SH3TC2: variants seen among roughly 807,000 people sequenced by gnomAD.
SH3TC2 encodes the protein SH3 domain and tetratricopeptide repeats 2, also known as SH3 domain and tetratricopeptide repeat-containing protein 2.
A neutral mutation model predicts 124.5 loss-of-function variants in SH3TC2; 87 were observed. That is an observed-to-expected ratio of 0.70 (90% confidence interval 0.59 to 0.84). The LOEUF (loss-of-function observed/expected upper bound fraction) is 0.84. Among genes scored for constraint, SH3TC2 ranks in the 40% least tolerant of loss-of-function variants. The pLI is 0.00. For missense variants in SH3TC2, 1,536 were observed against 1,566.4 expected (o/e 0.98, Z 0.33); for synonymous variants, 634 against 628.5 (o/e 1.01, Z -0.13).
At position 149,028,409 on chromosome 5, in the gene SH3TC2, C is replaced by G; in HGVS notation, c.1323G>C (p.Leu441=). Residue 441 remains leucine, a synonymous_variant, in exon 11 of 17, where the codon CTG becomes CTC. Coordinates refer to ENST00000515425, the MANE Select transcript of SH3TC2 (RefSeq NM_024577.4). ...LLSATSDSYR[L]PEPDDLDDPE... is the part of the protein sequence containing the mutation. ...GGTCATCAAGGTCATCAGGCTCCGG[C>G]AGGCGATAGCTGTCTGAGGTGGCCG... 6.2e-7 allele frequency: 1 copy of G among 1,614,008 alleles called. No individual in the cohort carries two copies.
intron 2 of SH3TC2, among the ~76,000 whole-genome samples, chr5:149,048,910 A>C (rs140663275): frequency 6.6e-4 from 101 of 152,344 alleles, no homozygotes; most frequent in Non-Finnish European, 1.1e-3. Flanking sequence ...AGTAAGTAGC[A>C]ATCCTGTTAA....
Position 148,992,859 on chromosome 5 carries a change from C to A in SH3TC2, c.*11852G>T, listed in dbSNP as rs13359285. On this transcript the variant is annotated 3_prime_UTR_variant, in exon 17 of 17. Coordinates refer to ENST00000515425, the MANE Select transcript of SH3TC2 (RefSeq NM_024577.4). ...GGATTAAACTGCTGGGTATAACATG[C>A]ACAGCTCATAGGGTTTGGGTATGGC... is the stretch of plus-strand genomic sequence containing the variant. Among the ~76,000 whole-genome samples the A allele has an allele frequency of 0.077, 11,700 of 152,130 alleles. 888 individuals are homozygous for A. Among genetic ancestry groups the A allele is most frequent in the Admixed American group, 0.18 (2,779 of 15,270 alleles).
At chr5:149,007,225 A>T (rs1323055628) in intron 15 of SH3TC2, 148 bp from the exon 16 acceptor site, 1 of 735,084 alleles carries the variant, frequency 1.4e-6, no homozygotes, top group African/African-American at 1.7e-5. Flanking sequence ...AGGTGCCTGT[A>T]CTCATAAAGC....
Position 148,984,045 on chromosome 5 carries a change from T to C in SH3TC2, c.*20666A>G, listed in dbSNP as rs1753294818. On this transcript the variant is annotated 3_prime_UTR_variant, in exon 17 of 17. Coordinates refer to ENST00000515425, the MANE Select transcript of SH3TC2 (RefSeq NM_024577.4). Reference sequence around the variant, plus strand: ...TTTCTCAAAGTGAAAAGAACCTGCATACAACTTCTTGTACATGAATATTGA... The same window carrying C: ...TTTCTCAAAGTGAAAAGAACCTGCACACAACTTCTTGTACATGAATATTGA... Among the ~76,000 whole-genome samples, 1 of 152,214 alleles carries C rather than the reference T, an allele frequency of 6.6e-6. No individual in the cohort carries two copies. Among genetic ancestry groups the C allele is most frequent in the African/African-American group, 2.4e-5 (1 of 41,464 alleles).
At chr5:149,048,096 T>TAATGAGGACACCAGTTGA in intron 2 of SH3TC2, 107 bp from the exon 3 acceptor site, 1 of 1,473,628 alleles carries the variant, frequency 6.8e-7, no homozygotes, top group Non-Finnish European at 9.4e-7. Context: ...AACCCTCAAC[T>TAATGAGGACACCAGTTGA]GGTGTCCTCA....
Position 148,997,210 on chromosome 5 carries a change from C to T in SH3TC2, c.*7501G>A, listed in dbSNP as rs910621994. Among the ~76,000 whole-genome samples, 5 of 152,188 alleles carry T rather than the reference C, an allele frequency of 3.3e-5. No individual in the cohort carries two copies. Among genetic ancestry groups the T allele is most frequent in the East Asian group, 1.9e-4 (1 of 5,194 alleles). On this transcript the variant is annotated 3_prime_UTR_variant, in exon 17 of 17. Coordinates refer to ENST00000515425, the MANE Select transcript of SH3TC2 (RefSeq NM_024577.4). ...CGGGTACTATGATGGGTGAGACCCA[C>T]GAAACTCCACCTGGCTGCTTCCCTT... is the stretch of plus-strand genomic sequence containing the variant.
At position 148,985,492 on chromosome 5, in the gene SH3TC2, T is replaced by A. The variant is rs1368022673; in HGVS notation, c.*19219A>T. On this transcript the variant is annotated 3_prime_UTR_variant, in exon 17 of 17. Coordinates refer to ENST00000515425, the MANE Select transcript of SH3TC2 (RefSeq NM_024577.4). ...CATTTTAAGTCTGACTTCCTCTAATTAGCATAATGCATTTGATGTAACTCC... is the reference window on the plus strand; with the variant it reads ...CATTTTAAGTCTGACTTCCTCTAATAAGCATAATGCATTTGATGTAACTCC... Among the ~76,000 whole-genome samples, 2 of 152,200 alleles carry A rather than the reference T, an allele frequency of 1.3e-5. No individual in the cohort carries two copies. The highest frequency in any genetic ancestry group is 1.3e-4 in the Admixed American group (2 of 15,282).
At chr5:149,012,257 A>G (rs1429292864) in intron 13 of SH3TC2, among the ~76,000 whole-genome samples, 1 of 152,192 alleles carries the variant, frequency 6.6e-6, no homozygotes, top group African/African-American at 2.4e-5. Context: ...CCCTAAAGTC[A>G]AGGTGTATGT....
In SH3TC2 at chr5:148,992,522, G is replaced by A. The variant is rs192729911; in HGVS notation, c.*12189C>T. Among the ~76,000 whole-genome samples, 29 of 151,154 alleles carry A rather than the reference G, an allele frequency of 1.9e-4. No homozygotes were observed. The East Asian group carries it at 2.7e-3, about 14-fold the overall frequency. On this transcript the variant is annotated 3_prime_UTR_variant, in exon 17 of 17. Transcript: ENST00000515425. ...GGTTTTTAACTCATCATCCTTGGGC[G>A]TGCATTAAAGGGTCCATGAGGCCTT...
chr5:149,061,491 T>C (rs986540825), intron 1 of SH3TC2, among the ~76,000 whole-genome samples: 1 of 152,226 alleles, frequency 6.6e-6, no homozygotes, highest in South Asian at 2.1e-4. Context: ...CTCAACTAAC[T>C]GTGCACCAGA....
Position 149,047,977 on chromosome 5 carries a change from G to A in SH3TC2, c.164C>T (p.Ser55Phe), listed in dbSNP as rs201291203. 24 of 1,614,114 alleles carry A rather than the reference G, an allele frequency of 1.5e-5. No homozygotes were observed. In the East Asian group the frequency reaches 4.9e-4, roughly 33 times the overall value. ...CCTGGAGCGGCTCTTTACACAGAAGGAGAGTGTCAGGTCTTAAAGAGAACA... is the reference window on the plus strand; with the variant it reads ...CCTGGAGCGGCTCTTTACACAGAAGAAGAGTGTCAGGTCTTAAAGAGAACA... The part of the protein sequence containing the change: ...PQNINPDLTL[S>F]FCVKSRSRRC... The change falls in exon 3 of 17, where the codon TCC becomes TTC. Residue 55 changes from serine (S) to phenylalanine (F), a missense_variant. By Grantham distance (155) the Ser-to-Phe change is radical. Transcript: ENST00000515425.
At chr5:149,040,206 T>G (rs1754345602) in intron 7 of SH3TC2, among the ~76,000 whole-genome samples, 1 of 152,188 alleles carries the variant, frequency 6.6e-6, no homozygotes, top group Admixed American at 6.5e-5. Flanking sequence ...TACAAAACTC[T>G]AAGGGAAATT....
chr5:149,030,806 T>A (rs1479543722), intron 9 of SH3TC2, among the ~76,000 whole-genome samples: 1 of 152,236 alleles, frequency 6.6e-6, no homozygotes, highest in Non-Finnish European at 1.5e-5. Flanking sequence ...AATGTCACCA[T>A]CAATGAAGAG....
At chr5:149,045,960 A>T in intron 3 of SH3TC2, 1 of 428,342 alleles carries the variant, frequency 2.3e-6, no homozygotes. Context: ...TTTTTATAAT[A>T]CCTAAAAAAA....
chr5:149,049,249 C>T (rs1754516615), intron 2 of SH3TC2, among the ~76,000 whole-genome samples: 1 of 152,206 alleles, frequency 6.6e-6, no homozygotes, highest in African/African-American at 2.4e-5. Context: ...CTTCAGCACC[C>T]CGCATCCATC....
intron 8 of SH3TC2, chr5:149,035,377 C>G (rs1754265056): frequency 6.6e-6 from 1 of 152,292 alleles, no homozygotes; most frequent in Admixed American, 6.5e-5. Context: ...TACACAAGCA[C>G]AAAAAGAAAA....
At chr5:149,047,834 A>G in intron 3 of SH3TC2, 28 bp downstream of exon 3, 3 of 1,613,466 alleles carry the variant, frequency 1.9e-6, no homozygotes, top group Non-Finnish European at 2.5e-6. Flanking sequence ...GTCAGTACTC[A>G]GCATTCACCT....
Position 149,028,347 on chromosome 5 carries a change from T to A in SH3TC2, c.1385A>T (p.Glu462Val). 6.2e-7 allele frequency: 1 copy of A among 1,614,172 alleles called. No individual in the cohort carries two copies. The highest frequency in any genetic ancestry group is 8.5e-7 in the Non-Finnish European group (1 of 1,180,026). Residue 462 changes from glutamate (E) to valine (V), a missense_variant, in exon 11 of 17, where the codon GAG (glutamate) becomes GTG (valine). Around this residue, in one of 3 missense-constraint regions of SH3TC2, gnomAD observed 1,102 missense variants for 1,098.6 expected, o/e 1.00. Coordinates refer to ENST00000515425, the MANE Select transcript of SH3TC2 (RefSeq NM_024577.4). ...LLMDLSTGQE[E>V]EAENFAPILA... Reference sequence around the variant, plus strand: ...TATGGGGGCGAAGTTCTCAGCCTCCTCCTCCTGACCAGTGCTTAGGTCCAT... The same window carrying A: ...TATGGGGGCGAAGTTCTCAGCCTCCACCTCCTGACCAGTGCTTAGGTCCAT...
chr5:149,042,811 G>T lies in SH3TC2; in HGVS notation c.412C>A (p.Leu138Ile). The change falls in exon 5 of 17, where the codon CTC (leucine) becomes ATC (isoleucine). Residue 138 changes from leucine (L) to isoleucine (I), a missense_variant. By Grantham distance (5) the Leu-to-Ile change is conservative. This residue lies in a region of SH3TC2 where 1,102 missense variants were observed against 1,098.6 expected (regional missense o/e 1.00). Coordinates refer to ENST00000515425, the MANE Select transcript of SH3TC2 (RefSeq NM_024577.4). ...LGYVSMCLEHLLFDHKYWLNC... is the reference protein window; with the variant it reads ...LGYVSMCLEHILFDHKYWLNC... ...AGCCAGTACTTGTGGTCAAAGAGGA[G>T]ATGTTCTAGACACATGGATACGTAG... 6.2e-7 allele frequency: 1 copy of T among 1,614,174 alleles called. No homozygotes were observed. The highest frequency in any genetic ancestry group is 1.1e-5 in the South Asian group (1 of 91,082).
Sources: allele counts gnomAD v4.1 joint callset (sites outside exome capture counted in the v4.1 genomes callset), GRCh38; gene constraint gnomAD v4.1.1; regional missense constraint gnomAD v4.1.1; transcripts MANE v1.5; gene names NCBI Gene and HGNC (gene_info 2026-07-23, HGNC 2026-07-21).